GGTA1: variants seen among roughly 807,000 people sequenced by gnomAD.
GGTA1 encodes inactive N-acetyllactosaminide alpha-1,3-galactosyltransferase.
Under a neutral mutation model 2.6 loss-of-function variants are expected in GGTA1, and 5 were observed. The ratio of observed to expected loss-of-function variants is 1.92; its 90% CI spans 1.00 to 4.04. The LOEUF (loss-of-function observed/expected upper bound fraction) is 4.04. Ranked by LOEUF, GGTA1 falls within the 30% of genes most tolerant of loss-of-function variation. GGTA1 has a pLI of 0.00. For missense variants in GGTA1, 50 were observed against 16.7 expected (o/e 2.99, Z -3.47); for synonymous variants, 17 against 5.0 (o/e 3.38, Z -3.19).
chr9:121,498,079 C>T (rs1244186319), intron 1 of GGTA1, among the ~76,000 whole-genome samples: 2 of 152,220 alleles, frequency 1.3e-5, no homozygotes, highest in African/African-American at 2.4e-5. Flanking sequence ...ACATCAAAAA[C>T]GTTCTCAGGA....
intron 1 of GGTA1, among the ~76,000 whole-genome samples, chr9:121,468,317 G>C (rs1376822144): frequency 6.6e-6 from 1 of 152,146 alleles, no homozygotes; most frequent in Non-Finnish European, 1.5e-5. Flanking sequence ...ATGGTTTCCA[G>C]CTTCATCCAT....
chr9:121,460,489 G>A (rs2118667624), intron 4 of GGTA1, among the ~76,000 whole-genome samples: 1 of 152,222 alleles, frequency 6.6e-6, no homozygotes, highest in Admixed American at 6.5e-5. Context: ...GGGGGGGTGA[G>A]GGAAACTTGA....
chr9:121,454,832 G>A (rs1382257871), downstream of GGTA1, among the ~76,000 whole-genome samples: 2 of 152,126 alleles, frequency 1.3e-5, no homozygotes, highest in Admixed American at 6.6e-5. Flanking sequence ...AGCCAACATG[G>A]TGAAACCCTG....
chr9:121,453,766 G>T (rs1224822670), downstream of GGTA1, among the ~76,000 whole-genome samples: 1 of 152,164 alleles, frequency 6.6e-6, no homozygotes, highest in African/African-American at 2.4e-5. Context: ...TGGAGGCCTG[G>T]GTTTTCACAG....
intron 1 of GGTA1, among the ~76,000 whole-genome samples, chr9:121,498,412 T>C (rs997176267): frequency 6.6e-6 from 1 of 152,238 alleles, no homozygotes; most frequent in South Asian, 2.1e-4. Flanking sequence ...GTGCCTGATG[T>C]AGTCAAAGAA....
At chr9:121,497,146 T>C (rs1179609367) in intron 1 of GGTA1, among the ~76,000 whole-genome samples, 1 of 151,882 alleles carries the variant, frequency 6.6e-6, no homozygotes, top group Non-Finnish European at 1.5e-5. Flanking sequence ...TGAGTCAAGA[T>C]AGCATCACTG....
intron 1 of GGTA1, among the ~76,000 whole-genome samples, chr9:121,477,776 C>T (rs555304132): frequency 6.6e-6 from 1 of 152,006 alleles, no homozygotes; most frequent in South Asian, 2.1e-4. Flanking sequence ...GACGGGGTTT[C>T]ACCATGTTGG....
At chr9:121,453,336 G>A (rs2064887942), downstream of GGTA1, among the ~76,000 whole-genome samples, 1 of 152,242 alleles carries the variant, frequency 6.6e-6, no homozygotes, top group Non-Finnish European at 1.5e-5. Context: ...TGTGCTCAGA[G>A]AGCTGGAATG....
intron 1 of GGTA1, among the ~76,000 whole-genome samples, chr9:121,484,472 C>T (rs1057158671): frequency 2.5e-4 from 38 of 151,974 alleles, no homozygotes; most frequent in Admixed American, 2.1e-3. Context: ...TTAGTAGAGA[C>T]GGGGTTTCAC....
At chr9:121,466,953 CAAAAAA>C (rs397894554) in intron 2 of GGTA1, among the ~76,000 whole-genome samples, 1 of 99,966 alleles carries the variant, frequency 1.0e-5, no homozygotes. Flanking sequence ...GACTCTGTCT[CAAAAAA>C]AAAAAAAAAA....
intron 1 of GGTA1, among the ~76,000 whole-genome samples, chr9:121,472,599 G>A (rs900517953): frequency 3.3e-5 from 5 of 152,154 alleles, no homozygotes; most frequent in Non-Finnish European, 4.4e-5. Context: ...GACTCTAAAG[G>A]TTTACCCATC....
At chr9:121,448,221 G>C (rs1322562991) in intron 7 of GGTA1, among the ~76,000 whole-genome samples, 1 of 152,096 alleles carries the variant, frequency 6.6e-6, no homozygotes, top group African/African-American at 2.4e-5. Context: ...CAGTCAAAGG[G>C]GGTACTAGTT....
chr9:121,487,531 G>A (rs1423336656), intron 1 of GGTA1, among the ~76,000 whole-genome samples: 5 of 139,148 alleles, frequency 3.6e-5, no homozygotes, highest in Non-Finnish European at 7.6e-5. Flanking sequence ...ACCCGAGATC[G>A]CGCCACTGCA....
chr9:121,468,764 G>A (rs1828312560), intron 1 of GGTA1, among the ~76,000 whole-genome samples: 1 of 152,192 alleles, frequency 6.6e-6, no homozygotes, highest in Admixed American at 6.5e-5. Flanking sequence ...GCCTCCATTG[G>A]CAAGGGTGCT....
intron 7 of GGTA1, among the ~76,000 whole-genome samples, chr9:121,449,132 A>AT (rs1002785297): frequency 1.4e-3 from 218 of 152,236 alleles, no homozygotes; most frequent in African/African-American, 5.1e-3. Context: ...TAGCTCATTT[A>AT]TTTTTAGCAT....
chr9:121,466,063 G>T (rs539945300), intron 2 of GGTA1, among the ~76,000 whole-genome samples: 1 of 152,036 alleles, frequency 6.6e-6, no homozygotes, highest in Non-Finnish European at 1.5e-5. Flanking sequence ...CTACAGGTGC[G>T]CACCACCATG....
At position 121,457,452 on chromosome 9, in the gene GGTA1, G is replaced by A. The variant is rs188150625; in HGVS notation, c.299-1611C>T. ...GTGGTGGCTCACGCCCGTAATCCCA[G>A]CACTTTGGGAGGCTGAGGCAGGTGG... On this transcript the variant is annotated intron_variant, in intron 5 of 5. Transcript: ENST00000481799. Among the ~76,000 whole-genome samples, 1,040 of 152,292 alleles carry A rather than the reference G, an allele frequency of 6.8e-3. 10 individuals are homozygous for A. The highest frequency in any genetic ancestry group is 0.019 in the South Asian group (92 of 4,820).
intron 2 of GGTA1, among the ~76,000 whole-genome samples, chr9:121,464,193 C>A (rs765791368): frequency 5.9e-5 from 9 of 152,198 alleles, no homozygotes; most frequent in Non-Finnish European, 1.0e-4. Context: ...CAAATGCCAC[C>A]TTTTCAATGC....
intron 1 of GGTA1, among the ~76,000 whole-genome samples, chr9:121,480,455 C>T (rs1206681663): frequency 6.6e-6 from 1 of 152,120 alleles, no homozygotes; most frequent in African/African-American, 2.4e-5. Flanking sequence ...CACACGGAGT[C>T]CTTTGGCTAA....
Sources: allele counts gnomAD v4.1 joint callset (sites outside exome capture counted in the v4.1 genomes callset), GRCh38; gene constraint gnomAD v4.1.1; transcripts MANE v1.5; gene names NCBI Gene and HGNC (gene_info 2026-07-23, HGNC 2026-07-21).